Variants in RGL3 observed in about 807,000 individuals in gnomAD.
RGL3 encodes ral guanine nucleotide dissociation stimulator-like 3.
Under a neutral mutation model 90.6 loss-of-function variants are expected in RGL3, and 85 were observed. That is an observed-to-expected ratio of 0.94 (90% confidence interval 0.79 to 1.12). The LOEUF is 1.12. Ranked by LOEUF, RGL3 falls within the 50% of genes most tolerant of loss-of-function variation. The pLI is 0.00. For missense variants in RGL3, 1,034 were observed against 939.2 expected (o/e 1.10, Z -1.32); for synonymous variants, 408 against 385.5 (o/e 1.06, Z -0.68).
chr19:11,414,096 C>G (rs1304189461), intron 5 of RGL3, among the ~76,000 whole-genome samples: 2 of 121,760 alleles, frequency 1.6e-5, no homozygotes, highest in Non-Finnish European at 3.3e-5. Flanking sequence ...CCACAGTGAA[C>G]TATGGAGCTC....
chr19:11,417,157 T>G (rs545122901), intron 2 of RGL3, 98 bp from the exon 3 acceptor site: 1,272 of 888,212 alleles, frequency 1.4e-3, no homozygotes, highest in South Asian at 2.5e-3. Context: ...TTTTTTTTTT[T>G]GTTTTTTTTT....
Position 11,394,825 on chromosome 19 carries a change from C to T in RGL3, c.2015-305G>A, listed in dbSNP as rs567051627. 5.7e-3 allele frequency: 1,802 copies of T among 316,048 alleles called. 17 individuals are homozygous for T. The highest frequency in any genetic ancestry group is 8.8e-3 in the Non-Finnish European group (1,428 of 162,518). 19.6% of individuals were successfully genotyped at this position (316,048 alleles called of 1,614,324 possible). A position where few individuals can be genotyped will look rare whatever the true frequency, so the allele number is the denominator to read the frequency against. On this transcript the variant is annotated intron_variant, in intron 18 of 18. Coordinates refer to ENST00000380456, the MANE Select transcript of RGL3 (RefSeq NM_001035223.4). The stretch of plus-strand genomic sequence containing the variant: ...AGCAAACTGGCCGGGCGCGATGCCT[C>T]GTGCCTGTAATCCCAGCGCTTTGGG...
Position 11,418,682 on chromosome 19 carries a change from C to T in RGL3, c.136G>A (p.Gly46Arg), listed in dbSNP as rs1568344244. ...SQRRSPAEGP[G>R]GSQAPSPIAN... The stretch of plus-strand genomic sequence containing the variant: ...AACCCCCTCCTCACCTGGCTGCCCC[C>T]GGGGCCCTCCGCCGGGCTCCTGCGC... The change falls in exon 2 of 19, where the codon GGG (glycine) becomes AGG (arginine). Residue 46 changes from glycine to arginine, a missense_variant. Transcript: ENST00000380456. 1.3e-6 allele frequency: 2 copies of T among 1,555,206 alleles called. No individual in the cohort carries two copies. Among genetic ancestry groups the T allele is most frequent in the Admixed American group, 1.9e-5 (1 of 52,640 alleles).
At position 11,414,637 on chromosome 19, in the gene RGL3, G is replaced by A. The variant is rs1599444044; in HGVS notation, c.637+1300C>T. On this transcript the variant is annotated intron_variant, in intron 5 of 18. Transcript: ENST00000380456. The stretch of plus-strand genomic sequence containing the variant: ...GGCCACTATAATCTGGAGATTAAGC[G>A]ATGGGGATTAGGGATAGAGATGCTT... Among the ~76,000 whole-genome samples the A allele has an allele frequency of 2.0e-5, 3 of 149,322 alleles. No individual in the cohort carries two copies. In the Admixed American group the frequency reaches 2.1e-4, roughly 10 times the overall value.
At chr19:11,413,590 A>G (rs1968909323) in intron 5 of RGL3, among the ~76,000 whole-genome samples, 1 of 150,654 alleles carries the variant, frequency 6.6e-6, no homozygotes, top group Non-Finnish European at 1.5e-5. Flanking sequence ...CACACTTACA[A>G]TCCCAGCACT....
chr19:11,417,746 A>T (rs1969029145), intron 2 of RGL3, among the ~76,000 whole-genome samples: 1 of 152,086 alleles, frequency 6.6e-6, no homozygotes, highest in African/African-American at 2.4e-5. Flanking sequence ...CTGGGATTAC[A>T]GGCGTGAGCC....
At chr19:11,404,118 A>C (rs893306444) in intron 9 of RGL3, among the ~76,000 whole-genome samples, 3 of 152,164 alleles carry the variant, frequency 2.0e-5, no homozygotes. Context: ...CCTGGGCTCA[A>C]GTGATCCTCT....
chr19:11,412,763 G>A (rs1001378226), intron 5 of RGL3, among the ~76,000 whole-genome samples: 4 of 151,726 alleles, frequency 2.6e-5, no homozygotes, highest in Admixed American at 6.6e-5. Context: ...TCAGGAGATC[G>A]AGACCATCTT....
At chr19:11,416,311 C>T (rs561971648) in intron 4 of RGL3, 163 bp from the exon 5 acceptor site, 25 of 646,520 alleles carry the variant, frequency 3.9e-5, no homozygotes, top group East Asian at 1.9e-4. Flanking sequence ...CTCAGCCTCC[C>T]GAGTAGCTGG....
intron 16 of RGL3, 186 bp from the exon 17 acceptor site, chr19:11,397,783 C>T (rs768893153): frequency 4.2e-4 from 215 of 517,860 alleles, no homozygotes; most frequent in Admixed American, 7.8e-4. Context: ...CCGAGGTGGG[C>T]GGATCACTTG....
At chr19:11,401,515 C>A (rs931273507) in intron 13 of RGL3, among the ~76,000 whole-genome samples, 1 of 151,914 alleles carries the variant, frequency 6.6e-6, no homozygotes, top group African/African-American at 2.4e-5. Context: ...CCTGCCTCAG[C>A]CTCCCAAGTA....
chr19:11,404,039 C>T (rs1169781731), intron 9 of RGL3, among the ~76,000 whole-genome samples: 5 of 152,120 alleles, frequency 3.3e-5, no homozygotes, highest in East Asian at 3.9e-4. Context: ...GCACCACAAA[C>T]GCCCAGCTAA....
chr19:11,418,457 C>G (rs1599447788), intron 2 of RGL3: 1 of 579,360 alleles, frequency 1.7e-6, no homozygotes, highest in Non-Finnish European at 3.1e-6. Flanking sequence ...TCGGGAACTG[C>G]GCGGCCATCG....
intron 18 of RGL3, among the ~76,000 whole-genome samples, 158 bp downstream of exon 18, chr19:11,397,086 G>A (rs1043013551): frequency 1.3e-5 from 2 of 152,066 alleles, no homozygotes; most frequent in Non-Finnish European, 2.9e-5. Flanking sequence ...GGTATTTTAT[G>A]TCCTCTTACC....
At chr19:11,402,356 T>C (rs1968694277) in intron 11 of RGL3, 99 bp downstream of exon 11, 7 of 1,572,756 alleles carry the variant, frequency 4.5e-6, no homozygotes, top group Non-Finnish European at 6.1e-6. Context: ...TGTGGGGTGG[T>C]GTCAGGAGTA....
intron 9 of RGL3, among the ~76,000 whole-genome samples, chr19:11,404,386 C>T (rs943555424): frequency 2.0e-5 from 3 of 152,112 alleles, no homozygotes; most frequent in Non-Finnish European, 2.9e-5. Flanking sequence ...ATTAGCCAAG[C>T]GTCGTGGTGG....
At chr19:11,401,562 A>T (rs1377113642) in intron 13 of RGL3, among the ~76,000 whole-genome samples, 4 of 147,832 alleles carry the variant, frequency 2.7e-5, no homozygotes, top group Admixed American at 2.7e-4. Flanking sequence ...CACCTGGCTA[A>T]TTTTTTTTTT....
chr19:11,406,341 ATCTC>A (rs1456020277), intron 7 of RGL3, 74 bp downstream of exon 7: 2 of 1,342,326 alleles, frequency 1.5e-6, no homozygotes, highest in African/African-American at 1.4e-5. Context: ...ACTCGCCCCT[ATCTC>A]TCTCCGGAGC....
At position 11,396,236 on chromosome 19, in the gene RGL3, C is replaced by T. The variant is rs558518919; in HGVS notation, c.2014+1008G>A. ...AGGCTGGAGTGCAGTGGTGCGATCT[C>T]GGCTCACTGCAACCTCCGCCTCCTG... On this transcript the variant is annotated intron_variant, in intron 18 of 18. Coordinates refer to ENST00000380456, the MANE Select transcript of RGL3 (RefSeq NM_001035223.4). Among the ~76,000 whole-genome samples, 354 of 128,340 alleles carry T rather than the reference C, an allele frequency of 2.8e-3. 4 individuals are homozygous for T. Among genetic ancestry groups the T allele is most frequent in the African/African-American group, 9.8e-3 (340 of 34,626 alleles). The allele number at this position is 128,340 out of a possible 152,430, so 84.2% of individuals were successfully genotyped here.
Sources: allele counts gnomAD v4.1 joint callset (sites outside exome capture counted in the v4.1 genomes callset), GRCh38; gene constraint gnomAD v4.1.1; transcripts MANE v1.5; gene names NCBI Gene and HGNC (gene_info 2026-07-23, HGNC 2026-07-21).